The following FGF4 variants were observed in gnomAD, a reference collection of about 807,000 sequenced individuals.
FGF4 encodes the protein heparin secretory transforming protein 1.
Under a neutral mutation model 15.7 loss-of-function variants are expected in FGF4, and 9 were observed. The observed-to-expected ratio is 0.57, with a 90% confidence interval of 0.35 to 1.00. The LOEUF (loss-of-function observed/expected upper bound fraction) is 1.00. FGF4 is among the 50% of genes least tolerant of loss of function. The pLI is 0.02. For synonymous variants in FGF4, 164 were observed against 144.8 expected, an observed-to-expected ratio of 1.13 and a Z score of -0.95; for missense variants, 286 against 297.3, an observed-to-expected ratio of 0.96 and a Z score of 0.28.
chr11:69,773,589 G>T, intron 2 of FGF4, 104 bp from the exon 3 acceptor site: 1 of 1,084,880 alleles, frequency 9.2e-7, no homozygotes, highest in Non-Finnish European at 1.4e-6. Flanking sequence ...CCCCACCCTG[G>T]GCTGAGATGT....
At position 69,772,131 on chromosome 11, in the gene FGF4, C is replaced by T. The variant is rs1855578714; in HGVS notation, c.*1178G>A. On this transcript the variant is annotated 3_prime_UTR_variant, in exon 3 of 3. Coordinates refer to ENST00000168712, the MANE Select transcript of FGF4 (RefSeq NM_002007.4). Reference sequence around the variant, plus strand: ...CAAACGTGACAAGGTTCGAATGGGACGCACCGACGCTATCTGCAATCCTTT... The same window carrying T: ...CAAACGTGACAAGGTTCGAATGGGATGCACCGACGCTATCTGCAATCCTTT... 1 of 152,110 alleles carries T rather than the reference C, an allele frequency of 6.6e-6. No homozygotes were observed. The highest frequency in any genetic ancestry group is 6.5e-5 in the Admixed American group (1 of 15,276). 9.4% of individuals were successfully genotyped at this position (152,110 alleles called of 1,614,324 possible). A position where few individuals can be genotyped will look rare whatever the true frequency, so the allele number is the denominator to read the frequency against.
At position 69,771,654 on chromosome 11, in the gene FGF4, AAGAAT is replaced by A. The variant is rs1855570048; in HGVS notation, c.*1650_*1654del. 1 of 152,210 alleles carries A rather than the reference AAGAAT, an allele frequency of 6.6e-6. No individual in the cohort carries two copies. The allele number at this position is 152,210 out of a possible 1,614,324, so 9.4% of individuals were successfully genotyped here. A position where few individuals can be genotyped will look rare whatever the true frequency, so the allele number is the denominator to read the frequency against. ...GTCTTCTTTCTTCCAGGCCTTGGTT[AAGAAT>A]AGTATTTTAAGTCGATGATTTGCAT... is the stretch of plus-strand genomic sequence containing the variant. On this transcript the variant is annotated 3_prime_UTR_variant, in exon 3 of 3. Coordinates refer to ENST00000168712, the MANE Select transcript of FGF4 (RefSeq NM_002007.4).
rs981333834 is a variant in FGF4 at position 69,772,695 on chromosome 11, T to A, written c.*614A>T. On this transcript the variant is annotated 3_prime_UTR_variant, in exon 3 of 3. Transcript: ENST00000168712. ...TAAAGTTGTCCAAGGGTCTCTCCCATCTGGTAGATCGAGGAAGATTGACTA... is the reference window on the plus strand; with the variant it reads ...TAAAGTTGTCCAAGGGTCTCTCCCAACTGGTAGATCGAGGAAGATTGACTA... 6.5e-6 allele frequency: 1 copy of A among 152,776 alleles called. No individual in the cohort carries two copies. The highest frequency in any genetic ancestry group is 2.4e-5 in the African/African-American group (1 of 41,478). The allele number at this position is 152,776 out of a possible 1,614,324, so 9.5% of individuals were successfully genotyped here.
In FGF4 at chr11:69,773,361, C is replaced by T. The variant is rs866953016; in HGVS notation, c.569G>A (p.Gly190Glu). Residue 190 changes from glycine (G) to glutamate (E), a missense_variant, in exon 3 of 3, where the codon GGG becomes GAG. Gly to Glu is a moderately conservative substitution (Grantham distance 98). Transcript: ENST00000168712. Reference sequence around the variant, plus strand: ...CTTCATGGTGGGCGACACTCGGTTCCCCTTCTTGGTCTTCCCATTCTTGCT... The same window carrying T: ...CTTCATGGTGGGCGACACTCGGTTCTCCTTCTTGGTCTTCCCATTCTTGCT... ...ALSKNGKTKK[G>E]NRVSPTMKVT... 1.2e-6 allele frequency: 2 copies of T among 1,614,144 alleles called. No individual in the cohort carries two copies. The highest frequency in any genetic ancestry group is 1.7e-6 in the Non-Finnish European group (2 of 1,180,014).
intron 1 of FGF4, 52 bp from the exon 2 acceptor site, chr11:69,774,179 G>T: frequency 6.9e-7 from 1 of 1,442,556 alleles, no homozygotes; most frequent in Non-Finnish European, 9.6e-7. Context: ...GGCCCACTCC[G>T]CCCCTCGGCT....
rs1023367570 is a variant in FGF4, at chr11:69,775,211, G to C, written c.-127C>G. ...CGGGCAGGAGTGCGCAACCGAGGAG[G>C]TGCGGGAGGCAAGCGACGGGGCCCC... On this transcript the variant is annotated 5_prime_UTR_variant, in exon 1 of 3. Transcript: ENST00000168712. 2 of 605,490 alleles carry C rather than the reference G, an allele frequency of 3.3e-6. No homozygotes were observed. Among genetic ancestry groups the C allele is most frequent in the Admixed American group, 4.5e-5 (1 of 22,428 alleles). The allele number at this position is 605,490 out of a possible 1,614,324, so 37.5% of individuals were successfully genotyped here.
chr11:69,773,917 C>T, intron 2 of FGF4, 107 bp downstream of exon 2: 2 of 882,986 alleles, frequency 2.3e-6, no homozygotes, highest in Non-Finnish European at 1.7e-6. Context: ...GGTGACCCTG[C>T]CACCCCTCCA....
At chr11:69,774,290 C>G (rs763972645) in intron 1 of FGF4, among the ~76,000 whole-genome samples, 163 bp from the exon 2 acceptor site, 9 of 152,328 alleles carry the variant, frequency 5.9e-5, no homozygotes, top group Non-Finnish European at 1.0e-4. Flanking sequence ...CCAAGCTGCC[C>G]TCTAGGGCCT....
chr11:69,774,152 C>A (rs368528007), intron 1 of FGF4, 25 bp from the exon 2 acceptor site: 17 of 1,576,032 alleles, frequency 1.1e-5, no homozygotes, highest in South Asian at 2.2e-5. Flanking sequence ...CAGGTCATTG[C>A]GGGGCAGGTG....
rs753962702 is a variant in FGF4, at chr11:69,773,381, C to T, written c.549G>A (p.Lys183=). ...KYPGMFIALS[K]NGKTKKGNRV... ...GGTTCCCCTTCTTGGTCTTCCCATT[C>T]TTGCTCAGGGCGATGAACATGCCGG... Residue 183 remains lysine, a synonymous_variant, in exon 3 of 3, where the codon AAG becomes AAA. Coordinates refer to ENST00000168712, the MANE Select transcript of FGF4 (RefSeq NM_002007.4). 5 of 1,614,074 alleles carry T rather than the reference C, an allele frequency of 3.1e-6. No individual in the cohort carries two copies. The African/African-American group carries it at 6.7e-5, about 22-fold the overall frequency.
chr11:69,774,962 G>A lies in FGF4; in HGVS notation c.123C>T (p.Ala41=). Reference sequence around the variant, plus strand: ...GGCTCTCCCAGCGGCGCTCCAGCTCGGCCTCCAGCGTGCCGTTGGGTGCAG... The same window carrying A: ...GGCTCTCCCAGCGGCGCTCCAGCTCAGCCTCCAGCGTGCCGTTGGGTGCAG... ...APTAPNGTLE[A]ELERRWESLV... is the part of the protein sequence containing the mutation. The change falls in exon 1 of 3, where the codon GCC becomes GCT. Residue 41 remains alanine, a synonymous_variant. Coordinates refer to ENST00000168712, the MANE Select transcript of FGF4 (RefSeq NM_002007.4). The A allele has an allele frequency of 6.8e-7, 1 of 1,475,520 alleles. No individual in the cohort carries two copies. Among genetic ancestry groups the A allele is most frequent in the Admixed American group, 2.4e-5 (1 of 42,346 alleles). The allele number at this position is 1,475,520 out of a possible 1,614,324, so 91.4% of individuals were successfully genotyped here. A position where few individuals can be genotyped will look rare whatever the true frequency, so the allele number is the denominator to read the frequency against.
Position 69,771,477 on chromosome 11 carries a change from C to A in FGF4, c.*1832G>T, listed in dbSNP as rs1855567837. ...AAGTCGACGGATGATCCCTCCACAC[C>A]CCCCAACGCCAAACAGCATGGAGAC... On this transcript the variant is annotated 3_prime_UTR_variant, in exon 3 of 3. Transcript: ENST00000168712. 6.6e-6 allele frequency: 1 copy of A among 152,068 alleles called. No individual in the cohort carries two copies. Among genetic ancestry groups the A allele is most frequent in the African/African-American group, 2.4e-5 (1 of 41,388 alleles). The allele number at this position is 152,068 out of a possible 1,614,324, so 9.4% of individuals were successfully genotyped here.
At position 69,775,021 on chromosome 11, in the gene FGF4, G is replaced by A. The variant is rs1201213049; in HGVS notation, c.64C>T (p.Pro22Ser). ...LPAVLLALLA[P>S]WAGRGGAAAP... The stretch of plus-strand genomic sequence containing the variant: ...GCGGCGCCCCCTCGGCCCGCCCAGG[G>A]CGCCAGCAAGGCCAGCAGGACCGCC... Residue 22 changes from proline (P) to serine (S), a missense_variant, in exon 1 of 3, where the codon CCC becomes TCC. Coordinates refer to ENST00000168712, the MANE Select transcript of FGF4 (RefSeq NM_002007.4). The A allele has an allele frequency of 1.3e-5, 18 of 1,438,426 alleles. No homozygotes were observed. The Admixed American group carries it at 4.7e-4, about 37-fold the overall frequency. The allele number at this position is 1,438,426 out of a possible 1,614,324, so 89.1% of individuals were successfully genotyped here.
chr11:69,773,250 ACC>A lies in FGF4; in HGVS notation c.*57_*58del. ...CATCCGAAGAAAGTGCACCAAGGTG[ACC>A]CTCGGCACTGCCCTCCCAGGGGCTT... On this transcript the variant is annotated 3_prime_UTR_variant, in exon 3 of 3. Coordinates refer to ENST00000168712, the MANE Select transcript of FGF4 (RefSeq NM_002007.4). The A allele has an allele frequency of 6.9e-7, 1 of 1,454,418 alleles. No homozygotes were observed. The allele number at this position is 1,454,418 out of a possible 1,614,324, so 90.1% of individuals were successfully genotyped here.
In FGF4 at chr11:69,772,275, A is replaced by G. The variant is rs1445561170; in HGVS notation, c.*1034T>C. On this transcript the variant is annotated 3_prime_UTR_variant, in exon 3 of 3. Coordinates refer to ENST00000168712, the MANE Select transcript of FGF4 (RefSeq NM_002007.4). ...TGAGGTAGATGTTAAACGCACTTAA[A>G]CAGGGAATGCATCAGAAAGCAGCAG... 2 of 152,224 alleles carry G rather than the reference A, an allele frequency of 1.3e-5. No homozygotes were observed. Among genetic ancestry groups the G allele is most frequent in the African/African-American group, 4.8e-5 (2 of 41,452 alleles). 9.4% of individuals were successfully genotyped at this position (152,224 alleles called of 1,614,324 possible).
chr11:69,773,190 T>C lies in FGF4; in HGVS notation c.*119A>G. The stretch of plus-strand genomic sequence containing the variant: ...TATATACACATTTAAATAATTAATT[T>C]AAATATCTTACACCTACTCTTGCAT... On this transcript the variant is annotated 3_prime_UTR_variant, in exon 3 of 3. Coordinates refer to ENST00000168712, the MANE Select transcript of FGF4 (RefSeq NM_002007.4). 1 of 703,278 alleles carries C rather than the reference T, an allele frequency of 1.4e-6. No individual in the cohort carries two copies. The highest frequency in any genetic ancestry group is 2.1e-5 in the South Asian group (1 of 48,628). The allele number at this position is 703,278 out of a possible 1,614,324, so 43.6% of individuals were successfully genotyped here. A position where few individuals can be genotyped will look rare whatever the true frequency, so the allele number is the denominator to read the frequency against.
At chr11:69,773,895 G>A in intron 2 of FGF4, 129 bp downstream of exon 2, 1 of 704,034 alleles carries the variant, frequency 1.4e-6, no homozygotes, top group African/African-American at 1.8e-5. Flanking sequence ...AGGCCTGCCG[G>A]TCCCGTGACC....
intron 1 of FGF4, 35 bp downstream of exon 1, chr11:69,774,704 CCCCCCG>C (rs966380592): frequency 1.5e-6 from 2 of 1,354,764 alleles, no homozygotes; most frequent in Non-Finnish European, 1.9e-6. Context: ...GCGGCCGTTG[CCCCCCG>C]CCCCCGCCCC....
chr11:69,775,051 G>A lies in FGF4; in HGVS notation c.34C>T (p.Leu12Phe). 2 of 1,384,110 alleles carry A rather than the reference G, an allele frequency of 1.4e-6. No homozygotes were observed. Among genetic ancestry groups the A allele is most frequent in the Non-Finnish European group, 1.9e-6 (2 of 1,077,722 alleles). 85.7% of individuals were successfully genotyped at this position (1,384,110 alleles called of 1,614,324 possible). A position where few individuals can be genotyped will look rare whatever the true frequency, so the allele number is the denominator to read the frequency against. Residue 12 changes from leucine (L) to phenylalanine (F), a missense_variant, in exon 1 of 3, where the codon CTC becomes TTC. Leu to Phe is a conservative substitution (Grantham distance 22). Transcript: ENST00000168712. The stretch of plus-strand genomic sequence containing the variant: ...AGCAAGGCCAGCAGGACCGCCGGGA[G>A]CAGCGCTACCGCGGCCGTCCCGGGC... ...SGPGTAAVAL[L>F]PAVLLALLAP...
Sources: allele counts gnomAD v4.1 joint callset (sites outside exome capture counted in the v4.1 genomes callset), GRCh38; gene constraint gnomAD v4.1.1; transcripts MANE v1.5; gene names NCBI Gene and HGNC (gene_info 2026-07-23, HGNC 2026-07-21).